ESRRG: variants seen among roughly 807,000 people sequenced by gnomAD.
ESRRG encodes estrogen-related receptor gamma.
In ESRRG, 13 loss-of-function variants were observed where a neutral mutation model predicts 44.0. That is an observed-to-expected ratio of 0.30 (90% CI 0.19 to 0.47). ESRRG has a LOEUF of 0.47. Among genes scored for constraint, ESRRG ranks in the 20% least tolerant of loss-of-function variants. ESRRG has a pLI of 1.00. For missense variants in ESRRG, 395 were observed against 580.6 expected, an observed-to-expected ratio of 0.68 and a Z score of 3.29; for synonymous variants, 215 against 214.6, an observed-to-expected ratio of 1.00 and a Z score of -0.02.
intron 1 of ESRRG, among the ~76,000 whole-genome samples, chr1:216,987,853 G>C (rs1408319386): frequency 6.6e-6 from 1 of 152,094 alleles, no homozygotes; most frequent in African/African-American, 2.4e-5. Context: ...CCTCACCCAA[G>C]CTCTAACCAA....
intron 2 of ESRRG, among the ~76,000 whole-genome samples, chr1:216,669,669 T>C (rs184226206): frequency 6.6e-6 from 1 of 152,298 alleles, no homozygotes; most frequent in Admixed American, 6.5e-5. Flanking sequence ...GCAGATCACT[T>C]GAGGTCGGAA....
chr1:216,895,681 C>T (rs11572526), intron 2 of ESRRG, among the ~76,000 whole-genome samples: 4 of 152,118 alleles, frequency 2.6e-5, no homozygotes, highest in Non-Finnish European at 4.4e-5. Flanking sequence ...AGTGAAAGCA[C>T]ATTCACTAGC....
chr1:216,945,519 T>C (rs2065920182), intron 1 of ESRRG, among the ~76,000 whole-genome samples: 1 of 152,072 alleles, frequency 6.6e-6, no homozygotes, highest in Admixed American at 6.6e-5. Flanking sequence ...TCCACAAATC[T>C]TTCTTCCCCT....
At chr1:216,638,831 AG>A (rs1368162185) in intron 3 of ESRRG, among the ~76,000 whole-genome samples, 13 of 152,210 alleles carry the variant, frequency 8.5e-5, no homozygotes, top group Non-Finnish European at 1.6e-4. Context: ...TTGGACTGAT[AG>A]CTAGAAAACA....
At chr1:217,063,605 A>G (rs2089023317) in intron 1 of ESRRG, among the ~76,000 whole-genome samples, 2 of 152,226 alleles carry the variant, frequency 1.3e-5, no homozygotes, top group African/African-American at 2.4e-5. Context: ...CCTGGGTAGG[A>G]AGACCCTCCA....
intron 1 of ESRRG, among the ~76,000 whole-genome samples, chr1:217,025,486 T>C (rs1012978334): frequency 6.6e-6 from 1 of 152,220 alleles, no homozygotes; most frequent in African/African-American, 2.4e-5. Context: ...AAAAAGTATA[T>C]GCACAAGAAA....
chr1:216,848,936 C>T (rs1322000926), intron 2 of ESRRG, among the ~76,000 whole-genome samples: 1 of 151,862 alleles, frequency 6.6e-6, no homozygotes, highest in Non-Finnish European at 1.5e-5. Flanking sequence ...ACTTAAATAT[C>T]TTGTATTTTT....
intron 3 of ESRRG, among the ~76,000 whole-genome samples, chr1:216,641,432 T>G (rs560617293): frequency 1.3e-5 from 2 of 152,330 alleles, no homozygotes; most frequent in South Asian, 4.1e-4. Context: ...ACTTCAATTT[T>G]CCCCTTTTAT....
At chr1:216,703,848 C>T (rs1473610270) in intron 1 of ESRRG, among the ~76,000 whole-genome samples, 1 of 151,890 alleles carries the variant, frequency 6.6e-6, no homozygotes, top group Non-Finnish European at 1.5e-5. Context: ...CCTAACTCAC[C>T]TGAATTTTAT....
At chr1:216,874,892 C>G (rs561068178) in intron 2 of ESRRG, among the ~76,000 whole-genome samples, 1 of 152,276 alleles carries the variant, frequency 6.6e-6, no homozygotes, top group African/African-American at 2.4e-5. Flanking sequence ...ACTTCCTGCC[C>G]TTGAACATCA....
chr1:216,911,941 G>C (rs2060354070), intron 2 of ESRRG, among the ~76,000 whole-genome samples: 2 of 151,318 alleles, frequency 1.3e-5, no homozygotes, highest in African/African-American at 4.9e-5. Context: ...TGGGTGTGGT[G>C]ATGTGCACCT....
chr1:216,580,215 TATG>T (rs528537589), intron 3 of ESRRG, among the ~76,000 whole-genome samples: 80 of 152,364 alleles, frequency 5.3e-4, no homozygotes, highest in African/African-American at 1.8e-3. Context: ...AGCCATGCAC[TATG>T]ATGATTTTTG....
chr1:216,991,607 GGGATGGGATA>G (rs370911204), intron 1 of ESRRG, among the ~76,000 whole-genome samples: 6,631 of 107,814 alleles, frequency 0.062, 593 homozygotes, highest in Middle Eastern at 0.08. Flanking sequence ...AGCATGGGAT[GGGATGGGATA>G]GGATGGGATG....
chr1:216,711,883 T>C (rs866923201), intron 1 of ESRRG, among the ~76,000 whole-genome samples: 1 of 152,208 alleles, frequency 6.6e-6, no homozygotes, highest in Non-Finnish European at 1.5e-5. Context: ...ATTCAATTAT[T>C]GTGTTGAATC....
chr1:216,597,548 T>G (rs940045669), intron 3 of ESRRG, among the ~76,000 whole-genome samples: 1 of 152,156 alleles, frequency 6.6e-6, no homozygotes, highest in African/African-American at 2.4e-5. Flanking sequence ...AAATAAAATT[T>G]CAAATGCTGC....
In ESRRG at chr1:216,912,194, AGGAGAGGAGAGG is replaced by A. The variant is rs2060513070; in HGVS notation, c.-14+27376_-14+27387del. Among the ~76,000 whole-genome samples, 20 of 10,542 alleles carry A rather than the reference AGGAGAGGAGAGG, an allele frequency of 1.9e-3. 2 individuals carry two copies. Among genetic ancestry groups the A allele is most frequent in the Admixed American group, 0.013 (16 of 1,196 alleles). 6.9% of individuals were successfully genotyped at this position (10,542 alleles called of 152,430 possible). On this transcript the variant is annotated intron_variant, in intron 2 of 7. Coordinates refer to the ESRRG transcript ENST00000359162. ...AGAAAAGAAAAGAAAAGGAGAGGAG[AGGAGAGGAGAGG>A]AGAGGAGAGGAGAGGAGAGGAGAGG... is the stretch of plus-strand genomic sequence containing the variant.
chr1:216,650,878 C>G, intron 3 of ESRRG, 95 bp downstream of exon 3: 2 of 770,146 alleles, frequency 2.6e-6, no homozygotes, highest in South Asian at 2.9e-5. Flanking sequence ...ACTGTTACCT[C>G]ATCTTTTTCT....
chr1:217,051,592 T>A (rs1202246620), intron 1 of ESRRG, among the ~76,000 whole-genome samples: 3 of 152,178 alleles, frequency 2.0e-5, no homozygotes, highest in Non-Finnish European at 4.4e-5. Flanking sequence ...TCAGAAACAA[T>A]CACTGCTCCA....
intron 1 of ESRRG, among the ~76,000 whole-genome samples, chr1:216,983,734 T>A (rs2074391913): frequency 6.6e-6 from 1 of 151,434 alleles, no homozygotes; most frequent in African/African-American, 2.4e-5. Flanking sequence ...ACAATAAGGA[T>A]CTACTCCAAA....
Sources: gnomAD v4.1 joint callset for allele counts (sites outside exome capture counted in the v4.1 genomes callset) on GRCh38, gnomAD v4.1.1 for gene constraint, MANE v1.5 for transcripts, NCBI Gene and HGNC (gene_info 2026-07-23, HGNC 2026-07-21) for gene names.